NBPF12: variants seen among roughly 807,000 people sequenced by gnomAD.
NBPF12 encodes NBPF family member NBPF12.
Under a neutral mutation model 146.4 loss-of-function variants are expected in NBPF12, and 115 were observed. That is an observed-to-expected ratio of 0.79 (90% CI 0.68 to 0.92). The LOEUF is 0.92. Among genes scored for constraint, NBPF12 ranks in the 40% least tolerant of loss-of-function variants. The probability of loss-of-function intolerance (pLI) is 0.00; values close to 1 mark genes in which losing one functional copy is unlikely to be tolerated. For synonymous variants in NBPF12, 385 were observed against 508.9 expected, an observed-to-expected ratio of 0.76 and a Z score of 3.28; for missense variants, 1,205 against 1,326.8, an observed-to-expected ratio of 0.91 and a Z score of 1.43.
upstream of NBPF12, among the ~76,000 whole-genome samples, chr1:146,947,740 T>C (rs2101817187): frequency 6.8e-6 from 1 of 146,802 alleles, no homozygotes; most frequent in East Asian, 2.0e-4. Flanking sequence ...TTTTCCTGTG[T>C]TTGGGACTTT....
intron 15 of NBPF12, 48 bp downstream of exon 18, chr1:146,974,889 C>G: frequency 8.8e-7 from 1 of 1,136,024 alleles, no homozygotes. Context: ...GTGTAAATCT[C>G]TGAAGTACAG....
At chr1:146,971,720 C>G (rs1399780047) in intron 13 of NBPF12, among the ~76,000 whole-genome samples, 1 of 150,710 alleles carries the variant, frequency 6.6e-6, no homozygotes, top group African/African-American at 2.5e-5. Context: ...ACACGATCCT[C>G]CCACTCTCGT....
At chr1:146,949,122 C>G (rs1200542447), upstream of NBPF12, among the ~76,000 whole-genome samples, 1 of 152,160 alleles carries the variant, frequency 6.6e-6, no homozygotes, top group Non-Finnish European at 1.5e-5. Flanking sequence ...TAAGGGAACT[C>G]AGAGGCCAGT....
At chr1:146,948,536 T>C (rs1317864624), upstream of NBPF12, among the ~76,000 whole-genome samples, 2 of 151,874 alleles carry the variant, frequency 1.3e-5, no homozygotes, top group Non-Finnish European at 2.9e-5. Flanking sequence ...AAACAAATGC[T>C]TGAAGGCAGC....
rs1297052312 is a variant in NBPF12 at position 146,966,099 on chromosome 1, T to G, written c.779-365T>G. 6.2e-3 allele frequency among the ~76,000 whole-genome samples: 942 copies of G among 151,580 alleles called. 26 individuals carry two copies. The highest frequency in any genetic ancestry group is 0.022 in the African/African-American group (885 of 41,104). ...TGCAGCCTGCGCGACAGAGTGAGAC[T>G]CCGTCTCAAACAGAAAACAAAAAAC... On this transcript the variant is annotated intron_variant, in intron 8 of 33. Transcript: ENST00000617844.
At chr1:146,948,295 C>T (rs1374581614), upstream of NBPF12, among the ~76,000 whole-genome samples, 1 of 151,912 alleles carries the variant, frequency 6.6e-6, no homozygotes, top group East Asian at 1.9e-4. Context: ...CAGATATGAG[C>T]CACGGCCTGA....
exon 12 of NBPF12, chr1:146,970,664 G>A: frequency 6.7e-7 from 1 of 1,492,740 alleles, no homozygotes; most frequent in Non-Finnish European, 9.3e-7. Flanking sequence ...TGAAGATGAG[G>A]ATGAAGATGT....
At chr1:146,951,240 C>T (rs1655312669) in intron 1 of NBPF12, 108 bp from the exon 5 acceptor site, 1 of 666,198 alleles carries the variant, frequency 1.5e-6, no homozygotes, top group Admixed American at 2.2e-5. Context: ...ACACAGGGCA[C>T]TCAAGTGAAC....
intron 2 of NBPF12, among the ~76,000 whole-genome samples, chr1:146,957,892 C>CATT (rs1553884513): frequency 1.3e-4 from 14 of 109,620 alleles, no homozygotes; most frequent in African/African-American, 3.4e-4. Context: ...TGTATATACA[C>CATT]ATATATATAC....
Position 146,967,851 on chromosome 1 carries a change from T to C in NBPF12, c.989-597T>C, listed in dbSNP as rs1553885826. On this transcript the variant is annotated intron_variant, in intron 9 of 33. Transcript: ENST00000617844. ...TAAACACTATTAGTTCTTCATTCTG[T>C]TGTTTCTAAATTAACAGAAACTTCA... Among the ~76,000 whole-genome samples, 21 of 149,246 alleles carry C rather than the reference T, an allele frequency of 1.4e-4. 1 individual carries two copies. The highest frequency in any genetic ancestry group is 3.4e-3 in the Middle Eastern group (1 of 292).
At chr1:146,994,668 C>T in exon 34 of NBPF12, 1 of 1,565,012 alleles carries the variant, frequency 6.4e-7, no homozygotes, top group South Asian at 1.2e-5. Context: ...ATTTGGAAGC[C>T]CAGACATAGG....
At chr1:146,957,782 G>T (rs1266332843) in intron 2 of NBPF12, 2 of 130,550 alleles carry the variant, frequency 1.5e-5, no homozygotes, top group Non-Finnish European at 3.3e-5. Flanking sequence ...TCCTCGCCAC[G>T]ACTCTGCTAG....
chr1:146,982,804 G>C, intron 19 of NBPF12, 124 bp from the exon 23 acceptor site: 1 of 1,453,736 alleles, frequency 6.9e-7, no homozygotes, highest in East Asian at 2.3e-5. Flanking sequence ...TTCTCTTAAA[G>C]GAAAAATGCC....
chr1:146,974,264 T>C (rs1349465246), intron 14 of NBPF12, among the ~76,000 whole-genome samples: 2 of 145,496 alleles, frequency 1.4e-5, no homozygotes, highest in Non-Finnish European at 3.0e-5. Flanking sequence ...ACTGAAGATA[T>C]GATTAAAAAA....
At chr1:146,965,330 C>G (rs1553885487) in intron 8 of NBPF12, among the ~76,000 whole-genome samples, 44 of 151,368 alleles carry the variant, frequency 2.9e-4, no homozygotes, top group Middle Eastern at 3.4e-3. Context: ...TGAAACCCAT[C>G]TTTACGAAGA....
intron 2 of NBPF12, among the ~76,000 whole-genome samples, chr1:146,957,948 ATATT>A (rs1412233711): frequency 1.7e-5 from 2 of 114,586 alleles, no homozygotes; most frequent in Non-Finnish European, 3.7e-5. Context: ...GTGTGTATAT[ATATT>A]TTATATATAC....
chr1:146,948,809 C>A (rs1655187683), upstream of NBPF12, among the ~76,000 whole-genome samples: 3 of 151,372 alleles, frequency 2.0e-5, no homozygotes, highest in African/African-American at 7.4e-5. Context: ...AGGCGTCTGT[C>A]TCCTGCTCAT....
At chr1:146,992,434 T>TTTTCTCTC (rs1658232913) in intron 31 of NBPF12, among the ~76,000 whole-genome samples, 1 of 81,542 alleles carries the variant, frequency 1.2e-5, no homozygotes, top group African/African-American at 6.0e-5. Context: ...ACTGAGCTCG[T>TTTTCTCTC]TCTCTCTCTC....
rs1656759916 is a variant in NBPF12, at chr1:146,973,091, T to C, written c.1801+131T>C. 1.9e-5 allele frequency: 12 copies of C among 638,146 alleles called. No homozygotes were observed. In the South Asian group the frequency reaches 2.2e-4, roughly 12 times the overall value. The allele number at this position is 638,146 out of a possible 1,614,324, so 39.5% of individuals were successfully genotyped here. A position where few individuals can be genotyped will look rare whatever the true frequency, so the allele number is the denominator to read the frequency against. ...CTTCTAGGAAAACAGAAATGGGTAT[T>C]TTAACATTTTGTTAAAGTTGGAAGA... On this transcript the variant is annotated intron_variant, in intron 14 of 33. Coordinates refer to ENST00000617844, the Ensembl canonical transcript of NBPF12.
Sources: gnomAD v4.1 joint callset for allele counts (sites outside exome capture counted in the v4.1 genomes callset) on GRCh38, gnomAD v4.1.1 for gene constraint, MANE v1.5 for transcripts, NCBI Gene and HGNC (gene_info 2026-07-23, HGNC 2026-07-21) for gene names.